The following SUMF1 variants were observed in gnomAD, a reference collection of about 807,000 sequenced individuals.
SUMF1 encodes the protein sulfatase modifying factor 1.
Under a neutral mutation model 47.6 loss-of-function variants are expected in SUMF1, and 48 were observed. The ratio of observed to expected loss-of-function variants is 1.01; its 90% CI spans 0.80 to 1.28. The LOEUF (loss-of-function observed/expected upper bound fraction) is 1.28. Ranked by LOEUF, SUMF1 falls within the 50% of genes most tolerant of loss-of-function variation. The pLI is 0.00. For missense variants in SUMF1, 571 were observed against 485.4 expected (o/e 1.18, Z -1.66); for synonymous variants, 230 against 192.1 (o/e 1.20, Z -1.63).
rs144495669 is a variant in SUMF1, at chr3:4,115,975, T to A, written c.1015-47230A>T. 2.8e-3 allele frequency among the ~76,000 whole-genome samples: 429 copies of A among 152,228 alleles called. 5 individuals carry two copies. The highest frequency in any genetic ancestry group is 9.8e-3 in the African/African-American group (407 of 41,504). On this transcript the variant is annotated intron_variant and NMD_transcript_variant, in intron 8 of 12. Coordinates refer to the SUMF1 transcript ENST00000448413. ...GGAAACAAAAAAATCAGGCATTTGATTGAACACAAATAAATGAAAGTTATT... is the reference window on the plus strand; with the variant it reads ...GGAAACAAAAAAATCAGGCATTTGAATGAACACAAATAAATGAAAGTTATT...
chr3:4,330,121 A>G (rs1328744732), intron 8 of SUMF1, among the ~76,000 whole-genome samples: 1 of 152,182 alleles, frequency 6.6e-6, no homozygotes, highest in East Asian at 1.9e-4. Context: ...TCATATCACT[A>G]TCAGCATTTT....
At chr3:4,407,779 T>G (rs781716934) in intron 7 of SUMF1, among the ~76,000 whole-genome samples, 1 of 152,208 alleles carries the variant, frequency 6.6e-6, no homozygotes, top group Non-Finnish European at 1.5e-5. Flanking sequence ...AAATGGCAGA[T>G]GTAAGGCTGA....
chr3:4,318,361 C>A (rs926270847), intron 8 of SUMF1, among the ~76,000 whole-genome samples: 1 of 152,118 alleles, frequency 6.6e-6, no homozygotes, highest in African/African-American at 2.4e-5. Flanking sequence ...ATAATCATTT[C>A]CATAGACACA....
chr3:4,374,270 T>C (rs1210414885), intron 8 of SUMF1, among the ~76,000 whole-genome samples: 1 of 152,178 alleles, frequency 6.6e-6, no homozygotes, highest in Non-Finnish European at 1.5e-5. Context: ...TGATCAGCTA[T>C]GTAGAAAATA....
At chr3:4,175,252 G>A (rs953556626) in intron 8 of SUMF1, among the ~76,000 whole-genome samples, 1 of 152,136 alleles carries the variant, frequency 6.6e-6, no homozygotes, top group African/African-American at 2.4e-5. Context: ...TGACCCCCGT[G>A]TAGCCTAACT....
At chr3:4,333,534 C>T (rs1206392191) in intron 8 of SUMF1, among the ~76,000 whole-genome samples, 1 of 152,034 alleles carries the variant, frequency 6.6e-6, no homozygotes, top group South Asian at 2.1e-4. Flanking sequence ...CCCAAAATTT[C>T]AAGGATCCCA....
At chr3:4,064,398 A>G (rs1695335564) in intron 9 of SUMF1, among the ~76,000 whole-genome samples, 1 of 152,152 alleles carries the variant, frequency 6.6e-6, no homozygotes, top group Admixed American at 6.6e-5. Flanking sequence ...ATGGTCTAAA[A>G]GGGGAAGAAA....
intron 8 of SUMF1, among the ~76,000 whole-genome samples, chr3:4,088,232 C>T (rs1276235263): frequency 2.0e-5 from 3 of 152,010 alleles, no homozygotes; most frequent in African/African-American, 7.3e-5. Flanking sequence ...CTATTCCTTC[C>T]ACTCTCCATA....
chr3:4,066,877 T>C (rs1456881168), intron 9 of SUMF1, among the ~76,000 whole-genome samples: 2 of 152,198 alleles, frequency 1.3e-5, no homozygotes, highest in African/African-American at 2.4e-5. Flanking sequence ...CCTAAGGTGA[T>C]GAGCATAGCA....
intron 8 of SUMF1, among the ~76,000 whole-genome samples, chr3:4,132,975 A>C (rs1449927811): frequency 6.6e-6 from 1 of 152,000 alleles, no homozygotes; most frequent in Non-Finnish European, 1.5e-5. Flanking sequence ...GGTTAGGTTC[A>C]CTCCACCAGG....
intron 7 of SUMF1, among the ~76,000 whole-genome samples, chr3:4,391,574 G>C (rs933303900): frequency 6.6e-6 from 1 of 151,872 alleles, no homozygotes; most frequent in Non-Finnish European, 1.5e-5. Flanking sequence ...CCTTGACTTC[G>C]TGGGCCCAGG....
At chr3:4,065,690 G>A (rs1184695750) in intron 9 of SUMF1, among the ~76,000 whole-genome samples, 1 of 152,064 alleles carries the variant, frequency 6.6e-6, no homozygotes, top group East Asian at 1.9e-4. Context: ...CCTATGGAGT[G>A]CTAGCCATTG....
chr3:4,073,801 T>C (rs987716950), intron 8 of SUMF1, among the ~76,000 whole-genome samples: 1 of 152,122 alleles, frequency 6.6e-6, no homozygotes, highest in Non-Finnish European at 1.5e-5. Context: ...ATCCTAAATA[T>C]ACATGCACCC....
At chr3:4,330,680 T>G (rs1161476326) in intron 8 of SUMF1, among the ~76,000 whole-genome samples, 1 of 152,224 alleles carries the variant, frequency 6.6e-6, no homozygotes, top group African/African-American at 2.4e-5. Context: ...CAGATGAATT[T>G]GTCACTCAAC....
chr3:4,125,594 T>G (rs139947337), intron 8 of SUMF1, among the ~76,000 whole-genome samples: 13 of 152,324 alleles, frequency 8.5e-5, no homozygotes, highest in African/African-American at 2.6e-4. Context: ...GAAATCCAAG[T>G]GCCCACTGTC....
intron 8 of SUMF1, among the ~76,000 whole-genome samples, chr3:4,245,014 TC>T (rs980249372): frequency 1.3e-5 from 2 of 152,022 alleles, no homozygotes; most frequent in Admixed American, 6.6e-5. Flanking sequence ...TATCCTTTCT[TC>T]CGCTTGATGG....
At chr3:4,081,399 T>C (rs976978583) in intron 8 of SUMF1, among the ~76,000 whole-genome samples, 9 of 152,182 alleles carry the variant, frequency 5.9e-5, no homozygotes, top group African/African-American at 2.2e-4. Context: ...TCTCATTGGC[T>C]GGCACCGTTC....
intron 9 of SUMF1, among the ~76,000 whole-genome samples, chr3:4,060,197 A>G (rs1574849991): frequency 6.6e-6 from 1 of 152,220 alleles, no homozygotes; most frequent in African/African-American, 2.4e-5. Context: ...TGTCAGAACT[A>G]AAGTGATAGA....
At chr3:4,151,556 T>TATACACACACACACAC (rs1694334770) in intron 8 of SUMF1, among the ~76,000 whole-genome samples, 1 of 137,276 alleles carries the variant, frequency 7.3e-6, no homozygotes, top group African/African-American at 2.8e-5. Flanking sequence ...TGTGTGTATA[T>TATACACACACACACAC]ACACACACAC....
Sources: gnomAD v4.1 joint callset for allele counts (sites outside exome capture counted in the v4.1 genomes callset) on GRCh38, gnomAD v4.1.1 for gene constraint, MANE v1.5 for transcripts, NCBI Gene and HGNC (gene_info 2026-07-23, HGNC 2026-07-21) for gene names.